CUEDC1: variants seen among roughly 807,000 people sequenced by gnomAD.
The protein encoded by CUEDC1 is CUE domain containing 1.
CUEDC1 carries 30 observed loss-of-function variants against 43.7 expected under a neutral mutation model. The ratio of observed to expected loss-of-function variants is 0.69; its 90% CI spans 0.51 to 0.93. The LOEUF (loss-of-function observed/expected upper bound fraction) is 0.93, where lower values mean the gene tolerates loss of function less well. Ranked by LOEUF, CUEDC1 falls within the 40% of genes least tolerant of loss-of-function variation. The pLI, the probability that CUEDC1 is intolerant of heterozygous loss-of-function variation, is 0.00. For missense variants in CUEDC1, 486 were observed against 549.0 expected, an observed-to-expected ratio of 0.89 and a Z score of 1.15; for synonymous variants, 223 against 223.6, an observed-to-expected ratio of 1.00 and a Z score of 0.02.
intron 1 of CUEDC1, among the ~76,000 whole-genome samples, chr17:57,922,884 T>TC (rs1407756872): frequency 6.6e-6 from 1 of 151,946 alleles, no homozygotes; most frequent in Non-Finnish European, 1.5e-5. Context: ...TCTCTCTTTT[T>TC]TTTTTTTTTT....
intron 1 of CUEDC1, among the ~76,000 whole-genome samples, chr17:57,925,118 T>TAAA (rs11413908): frequency 7.0e-6 from 1 of 142,964 alleles, no homozygotes; most frequent in Non-Finnish European, 1.5e-5. Flanking sequence ...TTGTGCACAT[T>TAAA]AAAAAAAAAA....
At chr17:57,886,495 C>T (rs749844811) in intron 1 of CUEDC1, among the ~76,000 whole-genome samples, 2 of 152,320 alleles carry the variant, frequency 1.3e-5, no homozygotes, top group African/African-American at 4.8e-5. Context: ...GAGCTTCCAG[C>T]CTGAGAGAGG....
chr17:57,949,129 G>A (rs893628070), intron 1 of CUEDC1, among the ~76,000 whole-genome samples: 1 of 152,168 alleles, frequency 6.6e-6, no homozygotes, highest in African/African-American at 2.4e-5. Context: ...AAAAGCCCAG[G>A]AGGCAGCAGC....
chr17:57,872,930 T>C (rs769944782), intron 4 of CUEDC1, 75 bp from the exon 5 acceptor site: 7 of 1,380,016 alleles, frequency 5.1e-6, no homozygotes, highest in South Asian at 3.9e-5. Flanking sequence ...ATCCCTCTGG[T>C]TGCACACATG....
At chr17:57,879,563 G>A in intron 3 of CUEDC1, 48 bp downstream of exon 3, 1 of 1,537,424 alleles carries the variant, frequency 6.5e-7, no homozygotes, top group Non-Finnish European at 8.7e-7. Context: ...CCCAGCCACT[G>A]ATCCTCTTCC....
chr17:57,867,383 A>G lies in CUEDC1; in HGVS notation c.1067T>C (p.Leu356Pro), dbSNP rs2073974770. 2.6e-6 allele frequency: 4 copies of G among 1,552,422 alleles called. No homozygotes were observed. Among genetic ancestry groups the G allele is most frequent in the African/African-American group, 1.4e-5 (1 of 73,104 alleles). Residue 356 changes from leucine to proline, a missense_variant, in exon 9 of 11, where the codon CTG becomes CCG. Physicochemically the swap from Leu to Pro is moderately conservative, Grantham distance 98. Coordinates refer to ENST00000577830, the MANE Select transcript of CUEDC1 (RefSeq NM_001271875.2). Reference sequence around the variant, plus strand: ...ACACGCGTGGCCCTCCACATCATCCAGGAGGTTGGCTGTTGACGCGGCAGC... The same window carrying G: ...ACACGCGTGGCCCTCCACATCATCCGGGAGGTTGGCTGTTGACGCGGCAGC... ...LGAAASTANLLDDVEGHACDE... is the reference protein window; with the variant it reads ...LGAAASTANLPDDVEGHACDE...
At chr17:57,896,484 T>TGGG (rs370021887) in intron 1 of CUEDC1, among the ~76,000 whole-genome samples, 867 of 61,256 alleles carry the variant, frequency 0.014, 55 homozygotes, top group African/African-American at 0.041. Flanking sequence ...TAGTGCATTA[T>TGGG]GGGGTGTGTG....
At chr17:57,946,892 T>C (rs767332810) in intron 1 of CUEDC1, among the ~76,000 whole-genome samples, 2 of 152,138 alleles carry the variant, frequency 1.3e-5, no homozygotes, top group African/African-American at 2.4e-5. Context: ...ACGCATCTTC[T>C]TCCTCTCTCT....
rs1299148459 is a variant in CUEDC1 at position 57,861,369 on chromosome 17, G to A, written c.*1920C>T. On this transcript the variant is annotated 3_prime_UTR_variant, in exon 11 of 11. Coordinates refer to ENST00000577830, the MANE Select transcript of CUEDC1 (RefSeq NM_001271875.2). The stretch of plus-strand genomic sequence containing the variant: ...CGGTTTACAGTCCTGGGCCAAACAG[G>A]AAGGCGACAGCGCTAGACGCAGCCG... 14 of 152,280 alleles carry A rather than the reference G, an allele frequency of 9.2e-5. No homozygotes were observed. Among genetic ancestry groups the A allele is most frequent in the Admixed American group, 9.2e-4 (14 of 15,284 alleles). 9.4% of individuals were successfully genotyped at this position (152,280 alleles called of 1,614,324 possible).
chr17:57,874,579 G>A (rs572614476), intron 3 of CUEDC1, among the ~76,000 whole-genome samples: 192 of 152,306 alleles, frequency 1.3e-3, no homozygotes, highest in Non-Finnish European at 2.5e-3. Flanking sequence ...CCCTGGGCCT[G>A]AGGGCAGCTC....
At chr17:57,886,311 C>A (rs1249513524) in intron 1 of CUEDC1, among the ~76,000 whole-genome samples, 4 of 152,204 alleles carry the variant, frequency 2.6e-5, no homozygotes, top group Admixed American at 6.5e-5. Context: ...CTGAGTGAGG[C>A]AGGAGGGGCT....
chr17:57,901,657 G>T (rs1300942067), intron 1 of CUEDC1, among the ~76,000 whole-genome samples: 2 of 152,234 alleles, frequency 1.3e-5, no homozygotes, highest in Non-Finnish European at 2.9e-5. Flanking sequence ...CCTGGGAGGT[G>T]TGAATGGTGT....
At chr17:57,894,251 C>A (rs1468116008) in intron 1 of CUEDC1, among the ~76,000 whole-genome samples, 1 of 152,258 alleles carries the variant, frequency 6.6e-6, no homozygotes, top group Admixed American at 6.5e-5. Context: ...GCAGCCCCTG[C>A]CTTCCAAAGG....
At chr17:57,869,039 TG>T in intron 7 of CUEDC1, 82 bp downstream of exon 7, 1 of 1,416,686 alleles carries the variant, frequency 7.1e-7, no homozygotes, top group Non-Finnish European at 9.9e-7. Flanking sequence ...TTACATGTGC[TG>T]AGGGGCTCCC....
chr17:57,872,546 GA>G, intron 5 of CUEDC1, 116 bp downstream of exon 5: 1 of 1,157,076 alleles, frequency 8.6e-7, no homozygotes, highest in African/African-American at 1.6e-5. Flanking sequence ...GCCTCAATAG[GA>G]CAGAAAGCAC....
At chr17:57,952,154 C>T (rs2075012875) in intron 1 of CUEDC1, among the ~76,000 whole-genome samples, 1 of 152,168 alleles carries the variant, frequency 6.6e-6, no homozygotes, top group Non-Finnish European at 1.5e-5. Flanking sequence ...AAGTCAAGGA[C>T]CACTGGACCA....
chr17:57,935,540 G>C (rs527948390), intron 1 of CUEDC1, among the ~76,000 whole-genome samples: 2 of 152,252 alleles, frequency 1.3e-5, no homozygotes, highest in Non-Finnish European at 2.9e-5. Flanking sequence ...GGTGAAGGGG[G>C]TCCAGGAGTG....
intron 1 of CUEDC1, among the ~76,000 whole-genome samples, chr17:57,929,677 A>G (rs1490077924): frequency 6.6e-6 from 1 of 152,108 alleles, no homozygotes; most frequent in Non-Finnish European, 1.5e-5. Context: ...ATACTTTGAG[A>G]AGCACTGTTT....
chr17:57,874,322 TGCC>T (rs2074079966), intron 3 of CUEDC1, among the ~76,000 whole-genome samples: 1 of 152,224 alleles, frequency 6.6e-6, no homozygotes, highest in Non-Finnish European at 1.5e-5. Context: ...TAGAAACTGC[TGCC>T]TCCCTGCCCA....
Sources: gnomAD v4.1 joint callset for allele counts (sites outside exome capture counted in the v4.1 genomes callset) on GRCh38, gnomAD v4.1.1 for gene constraint, MANE v1.5 for transcripts, NCBI Gene and HGNC (gene_info 2026-07-23, HGNC 2026-07-21) for gene names.